CSMD1: variants seen among roughly 807,000 people sequenced by gnomAD.
CSMD1 encodes the protein CUB and Sushi multiple domains 1, also known as CUB and sushi domain-containing protein 1.
CSMD1 carries 213 observed loss-of-function variants against 417.5 expected under a neutral mutation model. The observed-to-expected ratio is 0.51, with a 90% CI of 0.46 to 0.57. The LOEUF (loss-of-function observed/expected upper bound fraction) is 0.57. Ranked by LOEUF, CSMD1 falls within the 20% of genes least tolerant of loss-of-function variation. The pLI, the probability that CSMD1 is intolerant of heterozygous loss-of-function variation, is 0.00. For missense variants in CSMD1, 6,923 were observed against 4,529.7 expected (o/e 1.53, Z -15.17); for synonymous variants, 2,862 against 1,736.8 (o/e 1.65, Z -16.11).
intron 1 of CSMD1, among the ~76,000 whole-genome samples, chr8:4,829,883 G>C (rs1004303670): frequency 6.6e-6 from 1 of 152,164 alleles, no homozygotes; most frequent in Non-Finnish European, 1.5e-5. Flanking sequence ...AGTTTACTTT[G>C]AATGAGTCCT....
At chr8:3,944,059 T>A (rs560552062) in intron 5 of CSMD1, among the ~76,000 whole-genome samples, 1 of 152,272 alleles carries the variant, frequency 6.6e-6, no homozygotes, top group African/African-American at 2.4e-5. Flanking sequence ...GTTTTTGCTC[T>A]CAACTATTTC....
chr8:3,375,117 A>C (rs1474497345), intron 18 of CSMD1: 2 of 152,118 alleles, frequency 1.3e-5, no homozygotes, highest in Non-Finnish European at 2.9e-5. Flanking sequence ...GACAGCTTCC[A>C]CATGTACATG....
At chr8:3,715,847 A>G (rs1801800512) in intron 6 of CSMD1, among the ~76,000 whole-genome samples, 1 of 152,056 alleles carries the variant, frequency 6.6e-6, no homozygotes. Flanking sequence ...CCGGCCTGCA[A>G]ACAGCTTTTT....
intron 10 of CSMD1, among the ~76,000 whole-genome samples, chr8:3,530,519 G>T (rs535606919): frequency 3.3e-5 from 5 of 152,004 alleles, no homozygotes; most frequent in Non-Finnish European, 5.9e-5. Context: ...GAATCTTTTC[G>T]TTTTGTTTTG....
intron 11 of CSMD1, among the ~76,000 whole-genome samples, chr8:3,480,857 A>C (rs1289713254): frequency 1.3e-5 from 2 of 151,954 alleles, no homozygotes; most frequent in African/African-American, 4.8e-5. Context: ...TGTTTTTGCA[A>C]ATTAAGAGTA....
At chr8:3,981,565 G>A (rs961516704) in intron 5 of CSMD1, among the ~76,000 whole-genome samples, 11 of 147,384 alleles carry the variant, frequency 7.5e-5, no homozygotes, top group Non-Finnish European at 1.5e-4. Context: ...TCCACACCGT[G>A]TTCCATCACA....
rs145684705 is a variant in CSMD1, at chr8:4,944,044, G to C, written c.85+50288C>G. On this transcript the variant is annotated intron_variant, in intron 1 of 69. Coordinates refer to ENST00000635120, the MANE Select transcript of CSMD1 (RefSeq NM_033225.6). ...GAATCAAAATAAGCTGGAAAGTCTG[G>C]GGAAAGAAGTGAGGAAGATGTTTGA... 1.3e-4 allele frequency among the ~76,000 whole-genome samples: 20 copies of C among 152,270 alleles called. No homozygotes were observed. In the East Asian group the frequency reaches 3.7e-3, roughly 28 times the overall value.
At chr8:4,095,437 G>C (rs1800956907) in intron 3 of CSMD1, among the ~76,000 whole-genome samples, 2 of 152,254 alleles carry the variant, frequency 1.3e-5, no homozygotes, top group Admixed American at 1.3e-4. Flanking sequence ...AGTGATTGTA[G>C]TTCTTTCTTG....
chr8:3,370,931 A>C (rs1370977550), intron 18 of CSMD1, among the ~76,000 whole-genome samples: 1 of 152,144 alleles, frequency 6.6e-6, no homozygotes, highest in African/African-American at 2.4e-5. Context: ...AGCTGAGATC[A>C]CGCCATTGCA....
rs376720991 is a variant in CSMD1 at position 3,157,977 on chromosome 8, G to A, written c.5845-11C>T. On this transcript the variant is annotated splice_polypyrimidine_tract_variant and intron_variant, in intron 38 of 69. Coordinates refer to ENST00000635120, the MANE Select transcript of CSMD1 (RefSeq NM_033225.6). ...AATGTGGGAACGGCCCTGTTTAAAA[G>A]AAAACAAAAGAAAATACATATAACT... The A allele has an allele frequency of 3.9e-6, 6 of 1,547,276 alleles. No homozygotes were observed. The highest frequency in any genetic ancestry group is 1.7e-4 in the Middle Eastern group (1 of 6,002).
At position 3,230,055 on chromosome 8, in the gene CSMD1, G is replaced by A. The variant is rs997244771; in HGVS notation, c.4330C>T (p.Pro1444Ser). 5.6e-6 allele frequency: 9 copies of A among 1,605,610 alleles called. No homozygotes were observed. The highest frequency in any genetic ancestry group is 4.4e-5 in the South Asian group (4 of 90,068). ...TGTCTGATACCTATGCATGTAGGAG[G>A]GTCTGGTTGCCAAAAGAACCGGTTA... Reference protein sequence around the residue: ...LNNRFFWQPDPPTCIAACGGN... With the variant: ...LNNRFFWQPDSPTCIAACGGN... The change falls in exon 27 of 70, where the codon CCT (proline) becomes TCT (serine). Residue 1444 changes from proline to serine, a missense_variant. Physicochemically the swap from Pro to Ser is moderately conservative, Grantham distance 74 (BLOSUM62 -1). Coordinates refer to ENST00000635120, the MANE Select transcript of CSMD1 (RefSeq NM_033225.6).
intron 17 of CSMD1, among the ~76,000 whole-genome samples, chr8:3,393,981 C>T (rs1163305160): frequency 5.6e-5 from 1 of 17,932 alleles, no homozygotes; most frequent in African/African-American, 1.7e-4. Flanking sequence ...TAGAACTTAA[C>T]GTATAATAAT....
intron 3 of CSMD1, among the ~76,000 whole-genome samples, chr8:4,061,261 G>A (rs563070844): frequency 4.3e-4 from 65 of 152,218 alleles, no homozygotes; most frequent in African/African-American, 1.4e-3. Context: ...TTAGACACAG[G>A]CATGGAATAT....
rs74912370 is a variant in CSMD1, at chr8:3,323,074, A to T, written c.3632-14571T>A. ...GTCATCACTGTCCTATAAATTATGCAGTTTTAAAAACATCTGTCATTTATC... is the reference window on the plus strand; with the variant it reads ...GTCATCACTGTCCTATAAATTATGCTGTTTTAAAAACATCTGTCATTTATC... On this transcript the variant is annotated intron_variant, in intron 23 of 69. Coordinates refer to ENST00000635120, the MANE Select transcript of CSMD1 (RefSeq NM_033225.6). Among the ~76,000 whole-genome samples, 1,185 of 152,230 alleles carry T rather than the reference A, an allele frequency of 7.8e-3. 18 individuals carry two copies. The highest frequency in any genetic ancestry group is 0.027 in the African/African-American group (1,118 of 41,540).
At chr8:4,937,649 C>A (rs984583255) in intron 1 of CSMD1, among the ~76,000 whole-genome samples, 6 of 152,158 alleles carry the variant, frequency 3.9e-5, no homozygotes, top group Non-Finnish European at 7.3e-5. Flanking sequence ...AATAAAAGCA[C>A]ATGAATTATT....
chr8:4,374,768 G>A (rs1802614438), intron 3 of CSMD1, among the ~76,000 whole-genome samples: 1 of 152,134 alleles, frequency 6.6e-6, no homozygotes, highest in South Asian at 2.1e-4. Context: ...CTTGTCTAAT[G>A]AATGGCCACC....
In CSMD1 at chr8:2,938,182, T is replaced by G. The variant is rs1801623944; in HGVS notation, c.*403A>C. ...GAAAAACAACACAAGAGAACACATATCGTGGTGCCACCATTCTGTCACCGC... is the reference window on the plus strand; with the variant it reads ...GAAAAACAACACAAGAGAACACATAGCGTGGTGCCACCATTCTGTCACCGC... On this transcript the variant is annotated 3_prime_UTR_variant, in exon 70 of 70. Transcript: ENST00000635120. The G allele has an allele frequency of 6.0e-6, 1 of 166,314 alleles. No homozygotes were observed. The highest frequency in any genetic ancestry group is 1.7e-4 in the East Asian group (1 of 5,870). 10.3% of individuals were successfully genotyped at this position (166,314 alleles called of 1,614,324 possible). A position where few individuals can be genotyped will look rare whatever the true frequency, so the allele number is the denominator to read the frequency against.
chr8:4,514,331 C>A (rs1802998620), intron 2 of CSMD1, among the ~76,000 whole-genome samples: 1 of 152,134 alleles, frequency 6.6e-6, no homozygotes, highest in African/African-American at 2.4e-5. Flanking sequence ...GAGACCCTCT[C>A]TCCATATACG....
intron 7 of CSMD1, among the ~76,000 whole-genome samples, chr8:3,665,291 A>G (rs990456168): frequency 6.6e-6 from 1 of 152,138 alleles, no homozygotes; most frequent in Non-Finnish European, 1.5e-5. Flanking sequence ...GCACTTTAGG[A>G]GGCTGAGGTG....
Sources: gnomAD v4.1 joint callset for allele counts (sites outside exome capture counted in the v4.1 genomes callset) on GRCh38, gnomAD v4.1.1 for gene constraint, MANE v1.5 for transcripts, NCBI Gene and HGNC (gene_info 2026-07-23, HGNC 2026-07-21) for gene names.